Variants in CFDP1 observed in about 807,000 individuals in gnomAD.
CFDP1 encodes heterochromatin-stabilizing protein CFDP1.
CFDP1 carries 31 observed loss-of-function variants against 40.1 expected under a neutral mutation model. The observed-to-expected ratio is 0.77, with a 90% CI of 0.58 to 1.04. The LOEUF (loss-of-function observed/expected upper bound fraction) is 1.04. CFDP1 is among the 50% of genes least tolerant of loss of function. The pLI is 0.00. For missense variants in CFDP1, 423 were observed against 343.4 expected, an observed-to-expected ratio of 1.23 and a Z score of -1.83; for synonymous variants, 167 against 120.0, an observed-to-expected ratio of 1.39 and a Z score of -2.56.
rs1463043487 is a variant in CFDP1, at chr16:75,425,334, C to A, written c.64+7955G>T. Among the ~76,000 whole-genome samples the A allele has an allele frequency of 2.2e-5, 3 of 136,834 alleles. No individual in the cohort carries two copies. In the Admixed American group the frequency reaches 2.5e-4, roughly 11 times the overall value. 89.8% of individuals were successfully genotyped at this position (136,834 alleles called of 152,430 possible). ...CCTGGGAGGTAGAGGTTGCAGTGAG[C>A]AGAGATCGCGCCACTGCACTCCAGC... is the stretch of plus-strand genomic sequence containing the variant. On this transcript the variant is annotated intron_variant, in intron 1 of 6. Transcript: ENST00000283882.
chr16:75,385,457 A>T (rs1648725766), intron 5 of CFDP1, among the ~76,000 whole-genome samples: 2 of 152,314 alleles, frequency 1.3e-5, no homozygotes, highest in South Asian at 2.1e-4. Context: ...CAACAACAAC[A>T]GCAACAACAA....
intron 1 of CFDP1, among the ~76,000 whole-genome samples, chr16:75,423,927 GA>G (rs2079306904): frequency 6.6e-6 from 1 of 152,142 alleles, no homozygotes; most frequent in Non-Finnish European, 1.5e-5. Context: ...CACAGATACA[GA>G]AGGCTGACTA....
At chr16:75,417,995 T>G (rs1209005026) in intron 1 of CFDP1, among the ~76,000 whole-genome samples, 2 of 152,108 alleles carry the variant, frequency 1.3e-5, no homozygotes, top group Non-Finnish European at 2.9e-5. Flanking sequence ...GGCTCATGTC[T>G]GTAATCCCAG....
chr16:75,433,500 CT>C lies in CFDP1; in HGVS notation c.-149del, dbSNP rs1475923666. 4.3e-6 allele frequency: 3 copies of C among 690,074 alleles called. No homozygotes were observed. The highest frequency in any genetic ancestry group is 3.6e-5 in the African/African-American group (2 of 56,018). 42.7% of individuals were successfully genotyped at this position (690,074 alleles called of 1,614,324 possible). On this transcript the variant is annotated 5_prime_UTR_variant, in exon 1 of 7. Transcript: ENST00000283882. Reference sequence around the variant, plus strand: ...GCGCTTTGCACATGCGCAGAGAGTACTACGTGGTTGCCCTACGACACTTCCG... The same window carrying C: ...GCGCTTTGCACATGCGCAGAGAGTACACGTGGTTGCCCTACGACACTTCCG...
intron 5 of CFDP1, among the ~76,000 whole-genome samples, chr16:75,381,427 G>C (rs1171326020): frequency 1.3e-5 from 2 of 152,188 alleles, no homozygotes; most frequent in Non-Finnish European, 1.5e-5. Context: ...TTTGGGAGTA[G>C]AGTTAAAAGG....
At chr16:75,411,073 C>G (rs1268940418) in intron 4 of CFDP1, among the ~76,000 whole-genome samples, 1 of 151,986 alleles carries the variant, frequency 6.6e-6, no homozygotes, top group Admixed American at 6.6e-5. Flanking sequence ...ACAAAAATAA[C>G]AGGGCATGGT....
chr16:75,330,640 A>C (rs2078439219), intron 5 of CFDP1, among the ~76,000 whole-genome samples: 1 of 152,178 alleles, frequency 6.6e-6, no homozygotes, highest in South Asian at 2.1e-4. Flanking sequence ...GACAGAGGTA[A>C]GGCCAGGATG....
chr16:75,347,072 C>T (rs1033208233), intron 5 of CFDP1, among the ~76,000 whole-genome samples: 3 of 151,872 alleles, frequency 2.0e-5, no homozygotes, highest in East Asian at 3.9e-4. Context: ...AGGCCAGGCA[C>T]GGGGGGCTCA....
rs137979096 is a variant in CFDP1 at position 75,362,581 on chromosome 16, C to T, written c.650+32509G>A. On this transcript the variant is annotated intron_variant, in intron 5 of 6. Coordinates refer to ENST00000283882, the MANE Select transcript of CFDP1 (RefSeq NM_006324.3). ...CAAGAAACCATGTAACATAATAATG[C>T]AGCCAATCTCGACCTACAACACAAG... Among the ~76,000 whole-genome samples the T allele has an allele frequency of 2.5e-3, 387 of 152,256 alleles. 2 individuals carry two copies. Among genetic ancestry groups the T allele is most frequent in the African/African-American group, 8.9e-3 (371 of 41,554 alleles).
intron 5 of CFDP1, among the ~76,000 whole-genome samples, chr16:75,382,886 G>A (rs894593176): frequency 6.6e-6 from 1 of 152,122 alleles, no homozygotes; most frequent in Non-Finnish European, 1.5e-5. Flanking sequence ...CAAGCAGCTA[G>A]GACTAAAAGA....
intron 5 of CFDP1, among the ~76,000 whole-genome samples, chr16:75,316,464 G>A (rs542194856): frequency 9.9e-5 from 15 of 151,908 alleles, no homozygotes; most frequent in Admixed American, 9.8e-4. Flanking sequence ...AAGCACTTTG[G>A]GAGGCCAGGG....
chr16:75,298,438 C>A (rs574454068), intron 6 of CFDP1, among the ~76,000 whole-genome samples: 1 of 152,304 alleles, frequency 6.6e-6, no homozygotes, highest in Non-Finnish European at 1.5e-5. Flanking sequence ...GCAGGGAAAC[C>A]TGAGGCAGTC....
At chr16:75,412,863 T>C (rs1161959808) in intron 2 of CFDP1, 109 bp from the exon 3 acceptor site, 1 of 785,984 alleles carries the variant, frequency 1.3e-6, no homozygotes, top group Non-Finnish European at 2.1e-6. Flanking sequence ...CTTTAAATTC[T>C]GGGACTACTG....
At chr16:75,370,662 A>G (rs1176154628) in intron 5 of CFDP1, among the ~76,000 whole-genome samples, 1 of 152,156 alleles carries the variant, frequency 6.6e-6, no homozygotes, top group Non-Finnish European at 1.5e-5. Context: ...CAGGAGTTCC[A>G]GACCATTCTG....
At chr16:75,354,280 C>G (rs957371948) in intron 5 of CFDP1, among the ~76,000 whole-genome samples, 24 of 152,194 alleles carry the variant, frequency 1.6e-4, no homozygotes, top group Admixed American at 1.5e-3. Flanking sequence ...GGGACATAAC[C>G]CCATCATATG....
Position 75,340,841 on chromosome 16 carries a change from G to A in CFDP1, c.651-35659C>T, listed in dbSNP as rs141360807. Among the ~76,000 whole-genome samples the A allele has an allele frequency of 2.8e-3, 425 of 152,256 alleles. 4 individuals carry two copies. Among genetic ancestry groups the A allele is most frequent in the African/African-American group, 9.9e-3 (411 of 41,542 alleles). ...AAGGATGAGGTCAATGCGAGGACCA[G>A]CTTCTTCATTAACTCATTAACAAGA... is the stretch of plus-strand genomic sequence containing the variant. On this transcript the variant is annotated intron_variant, in intron 5 of 6. Coordinates refer to ENST00000283882, the MANE Select transcript of CFDP1 (RefSeq NM_006324.3).
chr16:75,428,615 T>A (rs1283926738), intron 1 of CFDP1, among the ~76,000 whole-genome samples: 1 of 142,344 alleles, frequency 7.0e-6, no homozygotes, highest in Admixed American at 7.5e-5. Context: ...ATACTCCATC[T>A]CAAAAATAAA....
At chr16:75,327,899 C>T (rs1287602449) in intron 5 of CFDP1, among the ~76,000 whole-genome samples, 3 of 151,746 alleles carry the variant, frequency 2.0e-5, no homozygotes, top group Non-Finnish European at 4.4e-5. Flanking sequence ...AATTTTTTTG[C>T]GTGTATTTTT....
At chr16:75,430,166 TTTG>T (rs2079394016) in intron 1 of CFDP1, among the ~76,000 whole-genome samples, 1 of 41,894 alleles carries the variant, frequency 2.4e-5, no homozygotes. Flanking sequence ...AGAGGTTTTT[TTTG>T]TTTGTTTGTT....
Sources: gnomAD v4.1 joint callset for allele counts (sites outside exome capture counted in the v4.1 genomes callset) on GRCh38, gnomAD v4.1.1 for gene constraint, MANE v1.5 for transcripts, NCBI Gene and HGNC (gene_info 2026-07-23, HGNC 2026-07-21) for gene names.